Variants in CSMD1 observed in about 807,000 individuals in gnomAD.
CSMD1 encodes CUB and Sushi multiple domains 1.
A neutral mutation model predicts 417.5 loss-of-function variants in CSMD1; 213 were observed. The observed-to-expected ratio is 0.51, with a 90% CI of 0.46 to 0.57. The LOEUF (loss-of-function observed/expected upper bound fraction) is 0.57. Ranked by LOEUF, CSMD1 falls within the 20% of genes least tolerant of loss-of-function variation. The pLI is 0.00. For missense variants in CSMD1, 6,923 were observed against 4,529.7 expected (o/e 1.53, Z -15.17); for synonymous variants, 2,862 against 1,736.8 (o/e 1.65, Z -16.11).
intron 3 of CSMD1, among the ~76,000 whole-genome samples, chr8:4,418,944 G>A (rs775582285): frequency 2.0e-5 from 3 of 152,142 alleles, no homozygotes; most frequent in Non-Finnish European, 4.4e-5. Context: ...GGATAAGTCG[G>A]TCCATTCCTA....
chr8:3,952,159 C>T (rs2740861), intron 5 of CSMD1, among the ~76,000 whole-genome samples: 21,267 of 152,126 alleles, frequency 0.14, 1,606 homozygotes, highest in Middle Eastern at 0.17. Flanking sequence ...CAGAAACCTT[C>T]AATGGGACAG....
intron 57 of CSMD1, among the ~76,000 whole-genome samples, chr8:2,968,315 A>G (rs1288595722): frequency 6.6e-6 from 1 of 152,232 alleles, no homozygotes; most frequent in Non-Finnish European, 1.5e-5. Flanking sequence ...TAACAAACCG[A>G]AAGAGGACAC....
chr8:4,664,292 GC>G (rs754039132), intron 1 of CSMD1, among the ~76,000 whole-genome samples: 137 of 152,302 alleles, frequency 9.0e-4, no homozygotes, highest in Non-Finnish European at 1.6e-3. Flanking sequence ...GGGCACGGTG[GC>G]TCACGCCTAT....
At chr8:4,915,846 C>A in intron 1 of CSMD1, among the ~76,000 whole-genome samples, 1 of 152,192 alleles carries the variant, frequency 6.6e-6, no homozygotes, top group Non-Finnish European at 1.5e-5. Context: ...ACAATGGCAT[C>A]CTGCCTATTT....
intron 1 of CSMD1, among the ~76,000 whole-genome samples, chr8:4,831,333 T>A (rs1208058460): frequency 6.6e-6 from 1 of 152,170 alleles, no homozygotes; most frequent in African/African-American, 2.4e-5. Flanking sequence ...CTTCAGCAAT[T>A]ACTGCAATAC....
intron 5 of CSMD1, among the ~76,000 whole-genome samples, chr8:3,819,709 C>G (rs975917272): frequency 2.6e-5 from 4 of 152,110 alleles, no homozygotes; most frequent in East Asian, 3.9e-4. Context: ...ATCTCAGCCT[C>G]CTGGGGAACT....
At chr8:4,951,452 G>GGAAGGAAA (rs1433604697) in intron 1 of CSMD1, among the ~76,000 whole-genome samples, 2 of 148,068 alleles carry the variant, frequency 1.4e-5, no homozygotes, top group African/African-American at 5.0e-5. Flanking sequence ...AGGGAAGGAA[G>GGAAGGAAA]GAAGGAAAGA....
chr8:4,372,471 A>G (rs550919096), intron 3 of CSMD1, among the ~76,000 whole-genome samples: 2 of 151,132 alleles, frequency 1.3e-5, no homozygotes, highest in Admixed American at 1.3e-4. Flanking sequence ...GCAATAGTTA[A>G]GTGTCACTTA....
chr8:3,799,716 G>C (rs990828470), intron 5 of CSMD1, among the ~76,000 whole-genome samples: 5 of 151,828 alleles, frequency 3.3e-5, no homozygotes, highest in Non-Finnish European at 1.5e-5. Context: ...CTGAACGTTT[G>C]ACATTCTGTG....
chr8:3,479,180 C>A (rs1817596229), intron 11 of CSMD1, among the ~76,000 whole-genome samples: 1 of 152,190 alleles, frequency 6.6e-6, no homozygotes, highest in South Asian at 2.1e-4. Context: ...CCCCAGCCCA[C>A]AAAATAGGCT....
chr8:4,312,631 CTT>C (rs35593876), intron 3 of CSMD1, among the ~76,000 whole-genome samples: 16,690 of 151,410 alleles, frequency 0.11, 2,856 homozygotes, highest in African/African-American at 0.37. Flanking sequence ...AATCCCAACA[CTT>C]TGGGAGGCCG....
At chr8:4,139,090 C>G (rs980198956) in intron 3 of CSMD1, among the ~76,000 whole-genome samples, 10 of 152,138 alleles carry the variant, frequency 6.6e-5, no homozygotes, top group Admixed American at 5.9e-4. Flanking sequence ...CTTTTACCGA[C>G]CACAACACAG....
chr8:4,675,804 T>C (rs1048693124), intron 1 of CSMD1, among the ~76,000 whole-genome samples: 2 of 152,182 alleles, frequency 1.3e-5, no homozygotes, highest in Non-Finnish European at 2.9e-5. Context: ...TCTGTTTTCT[T>C]TGAACGAAAG....
intron 49 of CSMD1, among the ~76,000 whole-genome samples, chr8:3,082,648 A>T (rs1413665786): frequency 6.6e-6 from 1 of 152,214 alleles, no homozygotes; most frequent in African/African-American, 2.4e-5. Context: ...AACTTCCTTA[A>T]TACTTGTATG....
chr8:3,382,576 TAATA>T (rs1486552590), intron 18 of CSMD1, among the ~76,000 whole-genome samples: 3 of 142,450 alleles, frequency 2.1e-5, no homozygotes, highest in African/African-American at 7.6e-5. Flanking sequence ...TATATATCTA[TAATA>T]GATATATAAA....
intron 65 of CSMD1, among the ~76,000 whole-genome samples, chr8:2,953,015 T>C (rs552033897): frequency 6.6e-6 from 1 of 152,054 alleles, no homozygotes; most frequent in South Asian, 2.1e-4. Flanking sequence ...TTTCCAAGAG[T>C]ACAAGAAAAG....
At chr8:3,990,510 T>A (rs947942597) in intron 5 of CSMD1, among the ~76,000 whole-genome samples, 1 of 152,206 alleles carries the variant, frequency 6.6e-6, no homozygotes, top group Non-Finnish European at 1.5e-5. Flanking sequence ...TTTTATGGAA[T>A]CTTAGGGTAA....
At chr8:3,685,359 G>A (rs142892996) in intron 7 of CSMD1, among the ~76,000 whole-genome samples, 92 of 152,224 alleles carry the variant, frequency 6.0e-4, no homozygotes, top group East Asian at 1.4e-3. Context: ...TCATCAAACT[G>A]TTACCTAAAC....
intron 12 of CSMD1, among the ~76,000 whole-genome samples, chr8:3,461,297 G>A (rs988870487): frequency 2.6e-5 from 4 of 152,216 alleles, no homozygotes; most frequent in African/African-American, 9.6e-5. Context: ...TTGCTGGATA[G>A]AATGAGGGAA....
Sources: allele counts gnomAD v4.1 joint callset (sites outside exome capture counted in the v4.1 genomes callset), GRCh38; gene constraint gnomAD v4.1.1; transcripts MANE v1.5; gene names NCBI Gene and HGNC (gene_info 2026-07-23, HGNC 2026-07-21).